UBOX5: variants seen among roughly 807,000 people sequenced by gnomAD.
UBOX5 encodes the protein U-box domain containing 5.
A neutral mutation model predicts 39.0 loss-of-function variants in UBOX5; 28 were observed. The ratio of observed to expected loss-of-function variants is 0.72; its 90% CI spans 0.53 to 0.98. UBOX5 has a LOEUF of 0.98. Among genes scored for constraint, UBOX5 ranks in the 50% least tolerant of loss-of-function variants. The pLI, the probability that UBOX5 is intolerant of heterozygous loss-of-function variation, is 0.00. For missense variants in UBOX5, 585 were observed against 674.4 expected (o/e 0.87, Z 1.47); for synonymous variants, 283 against 275.5 (o/e 1.03, Z -0.27).
At chr20:3,147,592 A>G in intron 1 of UBOX5, 2 of 1,614,210 alleles carry the variant, frequency 1.2e-6, no homozygotes, top group Non-Finnish European at 1.7e-6. Flanking sequence ...CTGGACTGAG[A>G]GCGAAATCAA....
chr20:3,117,410 G>A (rs2066301994), intron 3 of UBOX5, among the ~76,000 whole-genome samples: 1 of 152,056 alleles, frequency 6.6e-6, no homozygotes, highest in Admixed American at 6.6e-5. Context: ...GGGGCCAGGC[G>A]CTGTAGCTCA....
intron 1 of UBOX5, among the ~76,000 whole-genome samples, chr20:3,158,034 A>G (rs2066706500): frequency 6.6e-6 from 1 of 152,112 alleles, no homozygotes; most frequent in Non-Finnish European, 1.5e-5. Flanking sequence ...GGATCGCTCA[A>G]GGATCTCAAA....
chr20:3,145,441 C>T (rs2326114), intron 1 of UBOX5, among the ~76,000 whole-genome samples: 4,242 of 14,666 alleles, frequency 0.29, 227 homozygotes, highest in African/African-American at 0.41. Flanking sequence ...CCTTTTTTTC[C>T]TTTTTTTTTT....
chr20:3,141,852 A>G (rs1424913600), intron 1 of UBOX5, among the ~76,000 whole-genome samples: 2 of 152,000 alleles, frequency 1.3e-5, no homozygotes, highest in Admixed American at 1.3e-4. Context: ...ACTCTACAAA[A>G]TATAAAAATT....
At position 3,128,846 on chromosome 20, in the gene UBOX5, G is replaced by A. The variant is rs1164006408; in HGVS notation, c.-41-5440C>T. Among the ~76,000 whole-genome samples the A allele has an allele frequency of 2.6e-5, 4 of 152,308 alleles. No individual in the cohort carries two copies. In the South Asian group the frequency reaches 6.2e-4, roughly 24 times the overall value. Reference sequence around the variant, plus strand: ...CTATTGTACTCCAGCCTGAGTGACAGTGAGACCCTGTCTCAAAAAATAAAG... The same window carrying A: ...CTATTGTACTCCAGCCTGAGTGACAATGAGACCCTGTCTCAAAAAATAAAG... On this transcript the variant is annotated intron_variant, in intron 1 of 4. Transcript: ENST00000217173.
chr20:3,123,214 C>A, intron 2 of UBOX5, 98 bp downstream of exon 2: 1 of 1,294,940 alleles, frequency 7.7e-7, no homozygotes, highest in Non-Finnish European at 1.1e-6. Flanking sequence ...AGCAAAAGTG[C>A]AGTAAGCCTG....
At chr20:3,147,645 G>A (rs751273447) in intron 1 of UBOX5, 2 of 1,614,096 alleles carry the variant, frequency 1.2e-6, no homozygotes, top group Non-Finnish European at 1.7e-6. Flanking sequence ...AGGCCCAGCA[G>A]GCAGGTGGGC....
At position 3,122,736 on chromosome 20, in the gene UBOX5, G is replaced by A; in HGVS notation, c.55-152C>T. The A allele has an allele frequency of 5.2e-6, 6 of 1,159,512 alleles. No individual in the cohort carries two copies. The South Asian group carries it at 1.1e-4, about 20-fold the overall frequency. 71.8% of individuals were successfully genotyped at this position (1,159,512 alleles called of 1,614,324 possible). A position where few individuals can be genotyped will look rare whatever the true frequency, so the allele number is the denominator to read the frequency against. The stretch of plus-strand genomic sequence containing the variant: ...CAGGGCACCCAAGATCAGATCAAAG[G>A]CCAAGGGCAATTGTCCCAGATCGGG... On this transcript the variant is annotated intron_variant, in intron 2 of 4. Coordinates refer to ENST00000217173, the MANE Select transcript of UBOX5 (RefSeq NM_014948.4).
chr20:3,125,723 G>A (rs2066381376), intron 1 of UBOX5, among the ~76,000 whole-genome samples: 1 of 142,144 alleles, frequency 7.0e-6, no homozygotes, highest in South Asian at 2.3e-4. Context: ...CTGCCTGGCC[G>A]CCCATCATCT....
At chr20:3,110,680 C>A in intron 4 of UBOX5, 1 of 294,624 alleles carries the variant, frequency 3.4e-6, no homozygotes, top group Admixed American at 4.6e-5. Context: ...AGATAAACTG[C>A]AAGAAATGTG....
chr20:3,150,238 T>C (rs560326360), intron 1 of UBOX5, among the ~76,000 whole-genome samples: 46 of 152,158 alleles, frequency 3.0e-4, no homozygotes, highest in African/African-American at 1.1e-3. Context: ...ACTAAAAAAC[T>C]CACTCATTTT....
At chr20:3,129,515 T>C (rs529076332) in intron 1 of UBOX5, among the ~76,000 whole-genome samples, 29 of 152,256 alleles carry the variant, frequency 1.9e-4, no homozygotes, top group Non-Finnish European at 3.5e-4. Context: ...TGCACCGGCC[T>C]ATCCTCATGT....
At chr20:3,146,045 CAAAA>C (rs58783186) in intron 1 of UBOX5, among the ~76,000 whole-genome samples, 1 of 102,328 alleles carries the variant, frequency 9.8e-6, no homozygotes, top group African/African-American at 3.6e-5. Context: ...GACTCCGTCT[CAAAA>C]AAAAAAAAAA....
At chr20:3,148,038 A>G in intron 1 of UBOX5, 1 of 1,614,208 alleles carries the variant, frequency 6.2e-7, no homozygotes, top group Non-Finnish European at 8.5e-7. Context: ...ATGTTAGCAC[A>G]AGCCAAGTCT....
At chr20:3,113,364 T>C (rs541058536) in intron 4 of UBOX5, among the ~76,000 whole-genome samples, 8 of 147,386 alleles carry the variant, frequency 5.4e-5, no homozygotes, top group Admixed American at 3.4e-4. Flanking sequence ...GGAGGAGACA[T>C]GGGGGCTCCA....
chr20:3,148,858 G>C, intron 1 of UBOX5: 8 of 1,614,198 alleles, frequency 5.0e-6, no homozygotes, highest in Middle Eastern at 1.6e-4. Flanking sequence ...GGGCACTGCT[G>C]GTTGTCAGGA....
In UBOX5 at chr20:3,115,457, G is replaced by A. The variant is rs201991265; in HGVS notation, c.1265C>T (p.Ser422Phe). Reference protein sequence around the residue: ...THMDCSTGPLSHEQKLSQSLE... With the variant: ...THMDCSTGPLFHEQKLSQSLE... ...GCTTTGTGACAGCTTCTGCTCGTGG[G>A]ACAGTGGACCTGTCGAGAGATGCGC... is the stretch of plus-strand genomic sequence containing the variant. The change falls in exon 4 of 5, where the codon TCC becomes TTC. Residue 422 changes from serine to phenylalanine, a missense_variant. Transcript: ENST00000217173. 2 of 1,613,104 alleles carry A rather than the reference G, an allele frequency of 1.2e-6. No homozygotes were observed. The highest frequency in any genetic ancestry group is 1.3e-5 in the African/African-American group (1 of 75,060).
In UBOX5 at chr20:3,149,783, C is replaced by T. The variant is rs1275956842; in HGVS notation, c.-42+9983G>A. ...CTGTAATGCCAGCACTTTGGGAGGC[C>T]GAGGCAGGCAGATCACTTGAGGTCA... On this transcript the variant is annotated intron_variant, in intron 1 of 4. Transcript: ENST00000217173. The surrounding 1 kb of genome is among the most constrained non-coding windows in gnomAD (Gnocchi z 4.1). 1.3e-5 allele frequency among the ~76,000 whole-genome samples: 2 copies of T among 151,962 alleles called. No individual in the cohort carries two copies. The highest frequency in any genetic ancestry group is 2.9e-5 in the Non-Finnish European group (2 of 67,996).
chr20:3,122,217 G>T lies in UBOX5; in HGVS notation c.422C>A (p.Pro141His). ...GAGTGTGGCTTCCATCGCGCCAAAA[G>T]GGGGCCTGGCCTTGAAGCCCCTGTG... is the stretch of plus-strand genomic sequence containing the variant. ...FSHRGFKARP[P>H]FGAMEATLPS... is the part of the protein sequence containing the mutation. Residue 141 changes from proline (P) to histidine (H), a missense_variant, in exon 3 of 5, where the codon CCT (proline) becomes CAT (histidine). Pro to His is a moderately conservative substitution (Grantham distance 77). Coordinates refer to ENST00000217173, the MANE Select transcript of UBOX5 (RefSeq NM_014948.4). The T allele has an allele frequency of 6.2e-7, 1 of 1,614,256 alleles. No individual in the cohort carries two copies. The highest frequency in any genetic ancestry group is 8.5e-7 in the Non-Finnish European group (1 of 1,180,050).
Sources: allele counts gnomAD v4.1 joint callset (sites outside exome capture counted in the v4.1 genomes callset), GRCh38; gene constraint gnomAD v4.1.1; non-coding constraint Gnocchi (gnomAD v3.1); transcripts MANE v1.5; gene names NCBI Gene and HGNC (gene_info 2026-07-23, HGNC 2026-07-21).